PDE7A: variants seen among roughly 807,000 people sequenced by gnomAD.
PDE7A encodes phosphodiesterase 7A, also known as high affinity 3',5'-cyclic-AMP phosphodiesterase 7A.
Under a neutral mutation model 64.3 loss-of-function variants are expected in PDE7A, and 39 were observed. The observed-to-expected ratio is 0.61, with a 90% CI of 0.47 to 0.79. The LOEUF (loss-of-function observed/expected upper bound fraction) is 0.79. Among genes scored for constraint, PDE7A ranks in the 30% least tolerant of loss-of-function variants. The pLI is 0.00. For missense variants in PDE7A, 470 were observed against 582.8 expected (o/e 0.81, Z 1.99); for synonymous variants, 203 against 206.8 (o/e 0.98, Z 0.16).
At chr8:65,839,100 G>C (rs989602811) in intron 1 of PDE7A, among the ~76,000 whole-genome samples, 1 of 151,994 alleles carries the variant, frequency 6.6e-6, no homozygotes, top group African/African-American at 2.4e-5. Flanking sequence ...TATTTATTAA[G>C]TACCTACTAT....
intron 5 of PDE7A, among the ~76,000 whole-genome samples, chr8:65,744,577 T>TTCTGA (rs1157300981): frequency 6.6e-6 from 1 of 152,182 alleles, no homozygotes; most frequent in Non-Finnish European, 1.5e-5. Context: ...ACTCTGTAGA[T>TTCTGA]TCTGATAAGC....
rs1436398283 is a variant in PDE7A, at chr8:65,715,113, C to T, written c.*4177G>A. Reference sequence around the variant, plus strand: ...ATGTGTGTGAAAATTTTTAGTCTCCCATGTAAAATAAATTTTGCATTCTGT... The same window carrying T: ...ATGTGTGTGAAAATTTTTAGTCTCCTATGTAAAATAAATTTTGCATTCTGT... On this transcript the variant is annotated 3_prime_UTR_variant, in exon 13 of 13. Coordinates refer to ENST00000401827, the MANE Select transcript of PDE7A (RefSeq NM_001242318.3). 6.6e-6 allele frequency among the ~76,000 whole-genome samples: 1 copy of T among 152,068 alleles called. No homozygotes were observed. The highest frequency in any genetic ancestry group is 1.5e-5 in the Non-Finnish European group (1 of 68,016).
In PDE7A at chr8:65,749,480, A is replaced by G. The variant is rs188881226; in HGVS notation, c.284-1677T>C. On this transcript the variant is annotated intron_variant, in intron 3 of 12. Coordinates refer to ENST00000401827, the MANE Select transcript of PDE7A (RefSeq NM_001242318.3). ...AATCTTAAATTTCTGATCTTTACCA[A>G]TGTAACTTACTTTAAAAAAAGGACT... Among the ~76,000 whole-genome samples, 12 of 152,308 alleles carry G rather than the reference A, an allele frequency of 7.9e-5. No homozygotes were observed. In the East Asian group the frequency reaches 2.1e-3, roughly 27 times the overall value.
chr8:65,836,072 C>G (rs1270560667), intron 1 of PDE7A, among the ~76,000 whole-genome samples: 1 of 152,148 alleles, frequency 6.6e-6, no homozygotes, highest in Middle Eastern at 3.2e-3. Flanking sequence ...AAGGTCCCAA[C>G]AAAACAGGTG....
intron 7 of PDE7A, among the ~76,000 whole-genome samples, chr8:65,729,664 A>G (rs1806758871): frequency 6.6e-6 from 1 of 151,054 alleles, no homozygotes; most frequent in Non-Finnish European, 1.5e-5. Context: ...CCCAGGTTCA[A>G]TCGATTCTCT....
At chr8:65,723,673 A>C (rs748931496) in intron 11 of PDE7A, 52 bp from the exon 12 acceptor site, 1 of 1,280,270 alleles carries the variant, frequency 7.8e-7, no homozygotes, top group African/African-American at 1.6e-5. Flanking sequence ...TATTGGTTAA[A>C]TATATAATTA....
At chr8:65,745,718 C>T (rs1807643456) in intron 4 of PDE7A, among the ~76,000 whole-genome samples, 1 of 152,098 alleles carries the variant, frequency 6.6e-6, no homozygotes, top group African/African-American at 2.4e-5. Context: ...GGTTATGTTT[C>T]CCAGCTTATT....
chr8:65,776,518 G>T (rs1809263903), intron 3 of PDE7A, among the ~76,000 whole-genome samples: 2 of 151,974 alleles, frequency 1.3e-5, no homozygotes, highest in African/African-American at 4.8e-5. Flanking sequence ...TTTAAATACT[G>T]AATCCTCCAA....
Position 65,798,206 on chromosome 8 carries a change from A to ATATATTTT in PDE7A, c.139-15364_139-15363insAAAATATA. Among the ~76,000 whole-genome samples the ATATATTTT allele has an allele frequency of 1.2e-4, 9 of 73,810 alleles. No individual in the cohort carries two copies. In the East Asian group the frequency reaches 2.6e-3, roughly 21 times the overall value. 48.4% of individuals were successfully genotyped at this position (73,810 alleles called of 152,430 possible). Reference sequence around the variant, plus strand: ...TATATATATATATATATATATATATATTTTTTTTTTTTTGAGATGGAGTCT... The same window carrying ATATATTTT: ...TATATATATATATATATATATATATATATATTTTTTTTTTTTTTTTTGAGATGGAGTCT... On this transcript the variant is annotated intron_variant, in intron 1 of 12. Coordinates refer to ENST00000401827, the MANE Select transcript of PDE7A (RefSeq NM_001242318.3).
At chr8:65,814,230 G>A (rs927933503) in intron 1 of PDE7A, among the ~76,000 whole-genome samples, 1 of 151,884 alleles carries the variant, frequency 6.6e-6, no homozygotes. Flanking sequence ...AAGGACTTTC[G>A]GCCGGGCGCG....
At chr8:65,824,513 G>A (rs1810619992) in intron 1 of PDE7A, among the ~76,000 whole-genome samples, 1 of 152,146 alleles carries the variant, frequency 6.6e-6, no homozygotes, top group Non-Finnish European at 1.5e-5. Context: ...ACTATCACAT[G>A]CCACAGAAAA....
rs376469230 is a variant in PDE7A at position 65,761,224 on chromosome 8, C to T, written c.284-13421G>A. On this transcript the variant is annotated intron_variant, in intron 3 of 12. Coordinates refer to ENST00000401827, the MANE Select transcript of PDE7A (RefSeq NM_001242318.3). ...GGGATTACAGGCACGCACCACCATG[C>T]CCAGCTAATGTTTGTATTTTTAGTA... 9.9e-5 allele frequency among the ~76,000 whole-genome samples: 15 copies of T among 152,230 alleles called. No homozygotes were observed. The East Asian group carries it at 1.2e-3, about 12-fold the overall frequency.
At chr8:65,745,884 T>C (rs982923442) in intron 4 of PDE7A, among the ~76,000 whole-genome samples, 1 of 151,862 alleles carries the variant, frequency 6.6e-6, no homozygotes, top group African/African-American at 2.4e-5. Context: ...CTGTTATAAG[T>C]TACTCACTCT....
rs372447588 is a variant in PDE7A at position 65,727,318 on chromosome 8, G to C, written c.697-17C>G. On this transcript the variant is annotated splice_polypyrimidine_tract_variant and intron_variant, in intron 7 of 12. Transcript: ENST00000401827. ...ATTGGCAAGCTGAAGTGTGACAAAA[G>C]AATAATGAATCACAGATATATCTAA... is the stretch of plus-strand genomic sequence containing the variant. The C allele has an allele frequency of 3.4e-5, 55 of 1,611,956 alleles. 2 individuals are homozygous for C. In the African/African-American group the frequency reaches 3.6e-4, roughly 11 times the overall value.
At chr8:65,767,032 AACAACG>A (rs1466194201) in intron 3 of PDE7A, among the ~76,000 whole-genome samples, 2 of 141,766 alleles carry the variant, frequency 1.4e-5, no homozygotes, top group African/African-American at 5.6e-5. Flanking sequence ...CAACAACAAC[AACAACG>A]CCTGGACCAC....
chr8:65,825,950 T>C (rs917016319), intron 1 of PDE7A, among the ~76,000 whole-genome samples: 4 of 151,874 alleles, frequency 2.6e-5, no homozygotes, highest in African/African-American at 9.7e-5. Flanking sequence ...GGTAATGGGA[T>C]AGATGGGGGA....
At chr8:65,766,536 G>C (rs899154951) in intron 3 of PDE7A, among the ~76,000 whole-genome samples, 6 of 152,186 alleles carry the variant, frequency 3.9e-5, no homozygotes, top group African/African-American at 1.4e-4. Flanking sequence ...AGGAGCAAGG[G>C]AGCCTGTTAG....
chr8:65,781,762 A>C (rs1358171688), intron 2 of PDE7A, among the ~76,000 whole-genome samples: 1 of 152,236 alleles, frequency 6.6e-6, no homozygotes, highest in Non-Finnish European at 1.5e-5. Flanking sequence ...AGGTATCCAT[A>C]ACATTTACAT....
chr8:65,775,365 T>C (rs928507132), intron 3 of PDE7A, among the ~76,000 whole-genome samples: 7 of 152,256 alleles, frequency 4.6e-5, no homozygotes, highest in Non-Finnish European at 1.0e-4. Flanking sequence ...ACTACTTAGT[T>C]GACTTATTTC....
Sources: gnomAD v4.1 joint callset for allele counts (sites outside exome capture counted in the v4.1 genomes callset) on GRCh38, gnomAD v4.1.1 for gene constraint, MANE v1.5 for transcripts, NCBI Gene and HGNC (gene_info 2026-07-23, HGNC 2026-07-21) for gene names.